Variants in CD48 observed in about 807,000 individuals in gnomAD.
CD48 encodes CD48 antigen.
CD48 carries 20 observed loss-of-function variants against 22.0 expected under a neutral mutation model. That is an observed-to-expected ratio of 0.91 (90% CI 0.64 to 1.32). CD48 has a LOEUF of 1.32. CD48 is among the 40% of genes most tolerant of loss of function. The pLI, the probability that CD48 is intolerant of heterozygous loss-of-function variation, is 0.00. For missense variants in CD48, 307 were observed against 286.5 expected, an observed-to-expected ratio of 1.07 and a Z score of -0.52; for synonymous variants, 110 against 110.1, an observed-to-expected ratio of 1.00 and a Z score of 0.01.
intron 1 of CD48, among the ~76,000 whole-genome samples, chr1:160,707,106 A>G (rs1337450784): frequency 6.6e-6 from 1 of 152,174 alleles, no homozygotes; most frequent in African/African-American, 2.4e-5. Context: ...TAATTTTGCA[A>G]TAGCTACCAA....
chr1:160,710,884 C>A (rs1662927517), intron 1 of CD48, among the ~76,000 whole-genome samples: 1 of 152,146 alleles, frequency 6.6e-6, no homozygotes, highest in African/African-American at 2.4e-5. Flanking sequence ...GAGTGGTGAG[C>A]ATTAAAGCCC....
In CD48 at chr1:160,681,318, C is replaced by G. The variant is rs919986815; in HGVS notation, c.536G>C (p.Ser179Thr). ...KRPFPKELQN[S>T]VLETTLMPHN... ...TGGCATAAGGGTGGTTTCAAGCACA[C>G]TGTTCTGGAGCTCCTTTGGGAAGGG... The change falls in exon 3 of 4, where the codon AGT becomes ACT. Residue 179 changes from serine (S) to threonine (T), a missense_variant. Coordinates refer to ENST00000368046, the MANE Select transcript of CD48 (RefSeq NM_001778.4). The G allele has an allele frequency of 1.5e-5, 25 of 1,614,086 alleles. No homozygotes were observed. The highest frequency in any genetic ancestry group is 2.1e-5 in the Non-Finnish European group (25 of 1,180,040).
intron 1 of CD48, among the ~76,000 whole-genome samples, chr1:160,701,211 C>T (rs957738967): frequency 1.3e-4 from 3 of 23,556 alleles, no homozygotes; most frequent in African/African-American, 4.3e-4. Flanking sequence ...CTATGAGAGG[C>T]TAATTTTTAG....
intron 1 of CD48, among the ~76,000 whole-genome samples, chr1:160,702,904 G>A (rs1309888385): frequency 2.6e-5 from 4 of 152,258 alleles, no homozygotes; most frequent in South Asian, 2.1e-4. Flanking sequence ...CCTTGAGTGC[G>A]CTCATCAGAG....
chr1:160,685,104 T>C lies in CD48; in HGVS notation c.168A>G (p.Leu56=). The change falls in exon 2 of 4, where the codon CTA becomes CTG. Residue 56 remains leucine (L), a synonymous_variant. Coordinates refer to ENST00000368046, the MANE Select transcript of CD48 (RefSeq NM_001778.4). ...SESLPENYKQ[L]TWFYTFDQKI... is the part of the protein sequence containing the mutation. ...TCTGGTCGAAAGTATAAAACCAGGT[T>C]AGTTGTTTGTAGTTCTCAGGCAGGC... 1 of 1,613,948 alleles carries C rather than the reference T, an allele frequency of 6.2e-7. No homozygotes were observed. The highest frequency in any genetic ancestry group is 8.5e-7 in the Non-Finnish European group (1 of 1,179,862).
intron 1 of CD48, among the ~76,000 whole-genome samples, chr1:160,691,475 G>T (rs1662215437): frequency 6.6e-6 from 1 of 152,110 alleles, no homozygotes; most frequent in African/African-American, 2.4e-5. Context: ...CCTTGTCTAT[G>T]ATGCAAAGAC....
chr1:160,685,067 A>G lies in CD48; in HGVS notation c.205T>C (p.Trp69Arg), dbSNP rs143226582. 2.8e-4 allele frequency: 456 copies of G among 1,614,252 alleles called. 4 individuals carry two copies. In the East Asian group the frequency reaches 9.3e-3, roughly 33 times the overall value. Residue 69 changes from tryptophan (W) to arginine (R), a missense_variant, in exon 2 of 4, where the codon TGG becomes CGG. Transcript: ENST00000368046. ...AAGTACTTAGATTTTCTGGAATCCC[A>G]TTCTACAATCTTCTGGTCGAAAGTA... ...FYTFDQKIVEWDSRKSKYFES... is the reference protein window; with the variant it reads ...FYTFDQKIVERDSRKSKYFES...
rs1050176698 is a variant in CD48 at position 160,711,534 on chromosome 1, C to A, written c.82+148G>T. Reference sequence around the variant, plus strand: ...ATCAGTGCTAAGAAAGGCTCCCCAACCATGCCATGGCCATGCTATTGGAAT... The same window carrying A: ...ATCAGTGCTAAGAAAGGCTCCCCAAACATGCCATGGCCATGCTATTGGAAT... On this transcript the variant is annotated intron_variant, in intron 1 of 3. Coordinates refer to ENST00000368046, the MANE Select transcript of CD48 (RefSeq NM_001778.4). 10 of 629,986 alleles carry A rather than the reference C, an allele frequency of 1.6e-5. No homozygotes were observed. In the Admixed American group the frequency reaches 2.6e-4, roughly 16 times the overall value. 39.0% of individuals were successfully genotyped at this position (629,986 alleles called of 1,614,324 possible).
At chr1:160,702,375 G>T (rs1336982834) in intron 1 of CD48, among the ~76,000 whole-genome samples, 2 of 152,152 alleles carry the variant, frequency 1.3e-5, no homozygotes, top group Non-Finnish European at 2.9e-5. Flanking sequence ...AGATTTGTTT[G>T]TGCTGGGGGT....
intron 1 of CD48, among the ~76,000 whole-genome samples, chr1:160,708,792 C>T (rs2102443412): frequency 6.6e-6 from 1 of 152,124 alleles, no homozygotes; most frequent in African/African-American, 2.4e-5. Context: ...ACTTTGTGCC[C>T]CTTCACCTTG....
chr1:160,690,601 C>A (rs1026287784), intron 1 of CD48, among the ~76,000 whole-genome samples: 10 of 152,162 alleles, frequency 6.6e-5, no homozygotes, highest in Non-Finnish European at 1.3e-4. Context: ...TGGTTACCAG[C>A]AGACATGGGT....
chr1:160,696,794 CATT>C (rs976198882), intron 1 of CD48, among the ~76,000 whole-genome samples: 2 of 142,986 alleles, frequency 1.4e-5, no homozygotes, highest in African/African-American at 5.2e-5. Flanking sequence ...TGTTAAAAAA[CATT>C]TATTGTCTTG....
intron 1 of CD48, among the ~76,000 whole-genome samples, chr1:160,697,304 G>A (rs796129746): frequency 1.0e-3 from 157 of 152,126 alleles, no homozygotes; most frequent in African/African-American, 3.4e-3. Context: ...CATCAGAGAT[G>A]CAAAGAAAAG....
chr1:160,688,630 T>C (rs1421994298), intron 1 of CD48, among the ~76,000 whole-genome samples: 1 of 152,122 alleles, frequency 6.6e-6, no homozygotes, highest in Non-Finnish European at 1.5e-5. Context: ...GGAACAACAG[T>C]CAAAATAGTT....
At chr1:160,704,915 T>C (rs1479495859) in intron 1 of CD48, among the ~76,000 whole-genome samples, 2 of 152,108 alleles carry the variant, frequency 1.3e-5, no homozygotes, top group Non-Finnish European at 2.9e-5. Context: ...GGAGGTCCAT[T>C]GGTCCTTTTT....
intron 1 of CD48, among the ~76,000 whole-genome samples, chr1:160,687,514 G>GA (rs1662045633): frequency 6.6e-6 from 1 of 152,170 alleles, no homozygotes; most frequent in Non-Finnish European, 1.5e-5. Flanking sequence ...AAGAAATTAT[G>GA]AAAGTATTAA....
chr1:160,687,472 TTA>T (rs1439364111), intron 1 of CD48, among the ~76,000 whole-genome samples: 1 of 152,168 alleles, frequency 6.6e-6, no homozygotes, highest in Non-Finnish European at 1.5e-5. Flanking sequence ...TCTTTACAAT[TTA>T]TGTTTAGAGA....
intron 2 of CD48, chr1:160,684,511 ATAT>A (rs1661918612): frequency 2.0e-6 from 1 of 496,372 alleles, no homozygotes; most frequent in Admixed American, 3.7e-5. Flanking sequence ...CCCATTCTTT[ATAT>A]TAATACATTC....
At chr1:160,684,720 C>T (rs776688671) in intron 2 of CD48, 167 bp downstream of exon 2, 10 of 1,554,848 alleles carry the variant, frequency 6.4e-6, no homozygotes, top group Non-Finnish European at 8.7e-6. Context: ...ATCTGTTGAC[C>T]TAGGCTCACT....
Sources: gnomAD v4.1 joint callset for allele counts (sites outside exome capture counted in the v4.1 genomes callset) on GRCh38, gnomAD v4.1.1 for gene constraint, MANE v1.5 for transcripts, NCBI Gene and HGNC (gene_info 2026-07-23, HGNC 2026-07-21) for gene names.